Variants in EPB41L4B observed in about 807,000 individuals in gnomAD.
EPB41L4B encodes erythrocyte membrane protein band 4.1 like 4B, also known as band 4.1-like protein 4B.
In EPB41L4B, 30 loss-of-function variants were observed where a neutral mutation model predicts 112.5. That is an observed-to-expected ratio of 0.27 (90% CI 0.20 to 0.36). The LOEUF is 0.36. Among genes scored for constraint, EPB41L4B ranks in the 10% least tolerant of loss-of-function variants. The pLI, the probability that EPB41L4B is intolerant of heterozygous loss-of-function variation, is 1.00. For missense variants in EPB41L4B, 1,024 were observed against 1,133.3 expected (o/e 0.90, Z 1.38); for synonymous variants, 408 against 439.7 (o/e 0.93, Z 0.90).
rs1490300198 is a variant in EPB41L4B, at chr9:109,194,356, C to A, written c.2087G>T (p.Gly696Val). 8 of 1,614,054 alleles carry A rather than the reference C, an allele frequency of 5.0e-6. No individual in the cohort carries two copies. The highest frequency in any genetic ancestry group is 1.7e-5 in the Admixed American group (1 of 60,002). The part of the protein sequence containing the change: ...DLPPDLAEAV[G>V]VTTSTTTNTT... ...GTTTGTGGTTGTAGATGTGGTCACT[C>A]CCACTGCCTCGGCCAGGTCTGGAGG... The change falls in exon 21 of 26, where the codon GGA becomes GTA. Residue 696 changes from glycine (G) to valine (V), a missense_variant. By Grantham distance (109) the Gly-to-Val change is moderately radical. Coordinates refer to ENST00000374566, the MANE Select transcript of EPB41L4B (RefSeq NM_019114.5).
rs1834337841 is a variant in EPB41L4B at position 109,241,069 on chromosome 9, G to A, written c.1409+2549C>T. 4.1e-6 allele frequency: 4 copies of A among 985,148 alleles called. No homozygotes were observed. In the South Asian group the frequency reaches 1.4e-4, roughly 35 times the overall value. 61.0% of individuals were successfully genotyped at this position (985,148 alleles called of 1,614,324 possible). On this transcript the variant is annotated intron_variant, in intron 15 of 25. Transcript: ENST00000374566. ...TGAAAGGAGTAACTCTGTCAAGGAA[G>A]TGGGTATTGCAGTTTTCCTTGTGAT...
intron 17 of EPB41L4B, among the ~76,000 whole-genome samples, chr9:109,209,055 C>T (rs142840319): frequency 2.2e-3 from 338 of 152,202 alleles, no homozygotes; most frequent in Admixed American, 4.0e-3. Context: ...CCACCATGCA[C>T]CAGAGCAAGA....
chr9:109,196,477 G>A (rs992646108), intron 20 of EPB41L4B, among the ~76,000 whole-genome samples: 2 of 152,146 alleles, frequency 1.3e-5, no homozygotes, highest in Admixed American at 6.5e-5. Context: ...CCGGCACTCT[G>A]GGGGGCCAAG....
chr9:109,224,586 G>C (rs1217619815), intron 15 of EPB41L4B, among the ~76,000 whole-genome samples: 3 of 152,162 alleles, frequency 2.0e-5, no homozygotes, highest in Non-Finnish European at 4.4e-5. Flanking sequence ...TGGGTGTGGA[G>C]TTTCTTCTAG....
intron 22 of EPB41L4B, among the ~76,000 whole-genome samples, chr9:109,186,550 T>C (rs1473553626): frequency 1.3e-5 from 2 of 151,860 alleles, no homozygotes; most frequent in African/African-American, 4.8e-5. Flanking sequence ...TCACAGCTCA[T>C]GGCAGCCTTA....
intron 1 of EPB41L4B, among the ~76,000 whole-genome samples, chr9:109,292,590 T>C (rs553551789): frequency 1.3e-5 from 2 of 152,290 alleles, no homozygotes; most frequent in South Asian, 2.1e-4. Context: ...GTGGCTTCCA[T>C]CTTACACCAA....
intron 15 of EPB41L4B, among the ~76,000 whole-genome samples, chr9:109,220,441 G>C (rs371462297): frequency 2.6e-5 from 4 of 152,188 alleles, no homozygotes; most frequent in African/African-American, 9.7e-5. Context: ...GAGGAGACTG[G>C]TTGGGGAGAG....
chr9:109,243,941 G>T (rs1052667822), intron 14 of EPB41L4B, among the ~76,000 whole-genome samples: 2 of 152,200 alleles, frequency 1.3e-5, no homozygotes, highest in African/African-American at 4.8e-5. Flanking sequence ...GCTGCCCTTA[G>T]AAGGTGACAA....
At chr9:109,175,117 G>A (rs139223857) in intron 25 of EPB41L4B, among the ~76,000 whole-genome samples, 111 of 151,616 alleles carry the variant, frequency 7.3e-4, no homozygotes, top group Middle Eastern at 3.4e-3. Context: ...GGGTTTCACC[G>A]TGTTGCCCAG....
At position 109,204,570 on chromosome 9, in the gene EPB41L4B, C is replaced by T. The variant is rs111739302; in HGVS notation, c.1879-840G>A. On this transcript the variant is annotated intron_variant, in intron 18 of 25. Coordinates refer to ENST00000374566, the MANE Select transcript of EPB41L4B (RefSeq NM_019114.5). ...GCAGCAGCACGATCATGGCTCACTGCGGCCTTGACTTCCTGGGCTCAATCA... is the reference window on the plus strand; with the variant it reads ...GCAGCAGCACGATCATGGCTCACTGTGGCCTTGACTTCCTGGGCTCAATCA... Among the ~76,000 whole-genome samples, 195 of 152,314 alleles carry T rather than the reference C, an allele frequency of 1.3e-3. 1 individual carries two copies. The highest frequency in any genetic ancestry group is 4.4e-3 in the African/African-American group (181 of 41,562).
chr9:109,304,448 C>T (rs1225832991), intron 1 of EPB41L4B, among the ~76,000 whole-genome samples: 2 of 152,224 alleles, frequency 1.3e-5, no homozygotes, highest in African/African-American at 4.8e-5. Context: ...CCGAGGGGCA[C>T]CTCTAATGAT....
At chr9:109,235,066 C>T (rs1018797732) in intron 15 of EPB41L4B, among the ~76,000 whole-genome samples, 1 of 152,226 alleles carries the variant, frequency 6.6e-6, no homozygotes, top group Non-Finnish European at 1.5e-5. Flanking sequence ...GCAGAATGGA[C>T]TCTCAGCCAT....
intron 12 of EPB41L4B, 124 bp downstream of exon 12, chr9:109,253,317 T>C (rs1834862569): frequency 3.0e-6 from 2 of 676,988 alleles, no homozygotes; most frequent in Non-Finnish European, 5.2e-6. Context: ...GGATTATTTT[T>C]CCAAAAGCTC....
In EPB41L4B at chr9:109,243,816, G is replaced by A. The variant is rs546983279; in HGVS notation, c.1345-134C>T. The A allele has an allele frequency of 7.5e-6, 6 of 797,370 alleles. No individual in the cohort carries two copies. In the South Asian group the frequency reaches 1.0e-4, roughly 14 times the overall value. The allele number at this position is 797,370 out of a possible 1,614,324, so 49.4% of individuals were successfully genotyped here. On this transcript the variant is annotated intron_variant, in intron 14 of 25. Coordinates refer to ENST00000374566, the MANE Select transcript of EPB41L4B (RefSeq NM_019114.5). ...TGGAAAGGCTATAGACCCTGGCTAGGGGGTGGATGTTTCCCAGGACGATCA... is the reference window on the plus strand; with the variant it reads ...TGGAAAGGCTATAGACCCTGGCTAGAGGGTGGATGTTTCCCAGGACGATCA...
At chr9:109,289,709 A>G (rs1836454709) in intron 1 of EPB41L4B, among the ~76,000 whole-genome samples, 1 of 152,226 alleles carries the variant, frequency 6.6e-6, no homozygotes, top group Non-Finnish European at 1.5e-5. Context: ...TTTGGAAGCC[A>G]TATCCCACTA....
chr9:109,187,595 G>A (rs549708943), intron 22 of EPB41L4B, among the ~76,000 whole-genome samples: 85 of 152,276 alleles, frequency 5.6e-4, no homozygotes, highest in African/African-American at 2.0e-3. Context: ...CTCAGGAACA[G>A]TTCCCACTAC....
Position 109,260,410 on chromosome 9 carries a change from C to CTTTT in EPB41L4B, c.632-2117_632-2114dup, listed in dbSNP as rs35040371. Among the ~76,000 whole-genome samples the CTTTT allele has an allele frequency of 2.7e-4, 28 of 102,512 alleles. 1 individual carries two copies. The highest frequency in any genetic ancestry group is 8.6e-4 in the African/African-American group (23 of 26,838). 67.3% of individuals were successfully genotyped at this position (102,512 alleles called of 152,430 possible). On this transcript the variant is annotated intron_variant, in intron 6 of 25. Coordinates refer to ENST00000374566, the MANE Select transcript of EPB41L4B (RefSeq NM_019114.5). ...TATCTGACATAACAATCAATTGTAT[C>CTTTT]TTTTTTTTTTTTTTTTTTTTTTGAG...
intron 24 of EPB41L4B, 112 bp from the exon 25 acceptor site, chr9:109,176,808 T>A: frequency 8.4e-7 from 1 of 1,189,652 alleles, no homozygotes; most frequent in Non-Finnish European, 1.2e-6. Flanking sequence ...CACTACCAGC[T>A]AAAATCGATT....
chr9:109,240,963 C>A, intron 15 of EPB41L4B: 1 of 985,352 alleles, frequency 1.0e-6, no homozygotes, highest in Non-Finnish European at 1.2e-6. Context: ...TTCAAAGTAG[C>A]TCAACTGCTT....
Sources: gnomAD v4.1 joint callset for allele counts (sites outside exome capture counted in the v4.1 genomes callset) on GRCh38, gnomAD v4.1.1 for gene constraint, MANE v1.5 for transcripts, NCBI Gene and HGNC (gene_info 2026-07-23, HGNC 2026-07-21) for gene names.